The following LDB2 variants were observed in gnomAD, a reference collection of about 807,000 sequenced individuals.
The protein encoded by LDB2 is LIM domain binding 2, also known as LIM domain-binding protein 2.
LDB2 carries 12 observed loss-of-function variants against 44.3 expected under a neutral mutation model. The observed-to-expected ratio is 0.27, with a 90% confidence interval of 0.17 to 0.44. The LOEUF is 0.44. LDB2 is among the 20% of genes least tolerant of loss of function. The pLI, the probability that LDB2 is intolerant of heterozygous loss-of-function variation, is 1.00. For synonymous variants in LDB2, 164 were observed against 174.8 expected, an observed-to-expected ratio of 0.94 and a Z score of 0.49; for missense variants, 344 against 473.5, an observed-to-expected ratio of 0.73 and a Z score of 2.54.
intron 5 of LDB2, among the ~76,000 whole-genome samples, chr4:16,542,101 T>TC (rs1553889138): frequency 3.6e-5 from 3 of 83,652 alleles, no homozygotes; most frequent in Non-Finnish European, 2.2e-5. Context: ...CATCAGGTGG[T>TC]GGGGGGGGGG....
chr4:16,762,667 G>A (rs1465850074), intron 1 of LDB2, among the ~76,000 whole-genome samples: 6 of 152,072 alleles, frequency 3.9e-5, no homozygotes, highest in African/African-American at 1.4e-4. Context: ...TGACACATGG[G>A]GATTATGGGA....
At chr4:16,848,528 G>A (rs1282078994) in intron 1 of LDB2, among the ~76,000 whole-genome samples, 1 of 152,176 alleles carries the variant, frequency 6.6e-6, no homozygotes, top group African/African-American at 2.4e-5. Flanking sequence ...AAGAATATTT[G>A]GCCTTCAGAG....
chr4:16,879,364 C>G (rs1382575858), intron 1 of LDB2, among the ~76,000 whole-genome samples: 1 of 152,166 alleles, frequency 6.6e-6, no homozygotes, highest in Non-Finnish European at 1.5e-5. Flanking sequence ...TAAGCATTAT[C>G]TCTGGGTATG....
chr4:16,766,516 T>G (rs1203295320), intron 1 of LDB2, among the ~76,000 whole-genome samples: 1 of 145,704 alleles, frequency 6.9e-6, no homozygotes, highest in Non-Finnish European at 1.5e-5. Context: ...ATATATTTTT[T>G]TTTTTTTGAG....
chr4:16,715,050 G>A (rs1334703337), intron 2 of LDB2, among the ~76,000 whole-genome samples: 1 of 152,152 alleles, frequency 6.6e-6, no homozygotes, highest in African/African-American at 2.4e-5. Flanking sequence ...TTAGTGAGAT[G>A]TCATATGTGA....
chr4:16,521,019 C>G (rs1725881031), intron 5 of LDB2, among the ~76,000 whole-genome samples: 1 of 152,174 alleles, frequency 6.6e-6, no homozygotes, highest in Non-Finnish European at 1.5e-5. Context: ...CTCTGCATGG[C>G]AGGAGACAAG....
intron 2 of LDB2, among the ~76,000 whole-genome samples, chr4:16,617,818 C>A (rs973873643): frequency 6.6e-6 from 1 of 152,146 alleles, no homozygotes; most frequent in Non-Finnish European, 1.5e-5. Flanking sequence ...ATTTTTTCTA[C>A]TATTAAATTG....
intron 5 of LDB2, among the ~76,000 whole-genome samples, chr4:16,557,571 G>A (rs1158777138): frequency 6.6e-6 from 1 of 152,210 alleles, no homozygotes; most frequent in Admixed American, 6.5e-5. Context: ...AGCTCAAACT[G>A]GGTGGAGCCC....
rs576180303 is a variant in LDB2 at position 16,508,442 on chromosome 4, T to C, written c.891+93A>G. Reference sequence around the variant, plus strand: ...ACCTCCAACCTGCCCAGGATTTTTTTTTTTTTTCTAATGAAAAGAGACTTT... The same window carrying C: ...ACCTCCAACCTGCCCAGGATTTTTTCTTTTTTTCTAATGAAAAGAGACTTT... On this transcript the variant is annotated intron_variant, in intron 7 of 7. Coordinates refer to ENST00000304523, the MANE Select transcript of LDB2 (RefSeq NM_001290.5). 4.6e-5 allele frequency: 56 copies of C among 1,204,406 alleles called. 1 individual carries two copies. In the South Asian group the frequency reaches 1.1e-3, roughly 24 times the overall value. 74.6% of individuals were successfully genotyped at this position (1,204,406 alleles called of 1,614,324 possible). A position where few individuals can be genotyped will look rare whatever the true frequency, so the allele number is the denominator to read the frequency against.
At chr4:16,881,164 C>T (rs578059361) in intron 1 of LDB2, among the ~76,000 whole-genome samples, 1 of 152,316 alleles carries the variant, frequency 6.6e-6, no homozygotes, top group Admixed American at 6.5e-5. Flanking sequence ...GTGTCTTCAT[C>T]TGTAAAGTGG....
intron 2 of LDB2, among the ~76,000 whole-genome samples, chr4:16,726,089 T>G (rs1454851186): frequency 6.6e-6 from 1 of 151,864 alleles, no homozygotes; most frequent in Non-Finnish European, 1.5e-5. Context: ...TAACATTAAT[T>G]ATAATACTTT....
intron 5 of LDB2, among the ~76,000 whole-genome samples, chr4:16,557,042 T>A (rs1270068317): frequency 6.6e-6 from 1 of 152,212 alleles, no homozygotes; most frequent in South Asian, 2.1e-4. Flanking sequence ...TTTCCTTCCA[T>A]GAAGAATTTG....
At chr4:16,788,785 A>G (rs1314319541) in intron 1 of LDB2, among the ~76,000 whole-genome samples, 4 of 152,204 alleles carry the variant, frequency 2.6e-5, no homozygotes, top group African/African-American at 9.6e-5. Flanking sequence ...GAGCCCCAAG[A>G]ACAGGCAACT....
chr4:16,636,001 A>G (rs1347311460), intron 2 of LDB2, among the ~76,000 whole-genome samples: 1 of 152,180 alleles, frequency 6.6e-6, no homozygotes, highest in African/African-American at 2.4e-5. Flanking sequence ...CTCACTGAGA[A>G]GTGGCCAATA....
At chr4:16,881,404 C>A (rs527269079) in intron 1 of LDB2, among the ~76,000 whole-genome samples, 23 of 152,288 alleles carry the variant, frequency 1.5e-4, no homozygotes, top group African/African-American at 5.5e-4. Context: ...AGCTGTGGGA[C>A]TAGCGATTGG....
At chr4:16,636,901 A>G (rs1177858335) in intron 2 of LDB2, among the ~76,000 whole-genome samples, 2 of 152,238 alleles carry the variant, frequency 1.3e-5, no homozygotes, top group Non-Finnish European at 2.9e-5. Flanking sequence ...CCAAGATTTT[A>G]AGAAGCACTA....
intron 5 of LDB2, among the ~76,000 whole-genome samples, chr4:16,531,342 C>A (rs1730084265): frequency 6.6e-6 from 1 of 152,214 alleles, no homozygotes; most frequent in East Asian, 1.9e-4. Flanking sequence ...CCAGCAGTAT[C>A]TTTCAGAAAC....
At chr4:16,885,636 C>T (rs894826164) in intron 1 of LDB2, among the ~76,000 whole-genome samples, 5 of 152,182 alleles carry the variant, frequency 3.3e-5, no homozygotes, top group Non-Finnish European at 7.3e-5. Context: ...AACACTAACC[C>T]TTAACATTAA....
At chr4:16,739,562 G>A (rs1762525502) in intron 2 of LDB2, among the ~76,000 whole-genome samples, 1 of 108,468 alleles carries the variant, frequency 9.2e-6, no homozygotes, top group African/African-American at 3.5e-5. Context: ...CTCCAGCCTC[G>A]GTGACAGAGG....
Sources: gnomAD v4.1 joint callset for allele counts (sites outside exome capture counted in the v4.1 genomes callset) on GRCh38, gnomAD v4.1.1 for gene constraint, MANE v1.5 for transcripts, NCBI Gene and HGNC (gene_info 2026-07-23, HGNC 2026-07-21) for gene names.